The following NTM variants were observed in gnomAD, a reference collection of about 807,000 sequenced individuals.
NTM encodes the protein IgLON family member 2.
NTM carries 13 observed loss-of-function variants against 42.1 expected under a neutral mutation model. The observed-to-expected ratio is 0.31, with a 90% CI of 0.20 to 0.49. The LOEUF (loss-of-function observed/expected upper bound fraction) is 0.49, where lower values mean the gene tolerates loss of function less well. Ranked by LOEUF, NTM falls within the 20% of genes least tolerant of loss-of-function variation. The pLI is 0.99. For missense variants in NTM, 373 were observed against 452.8 expected, an observed-to-expected ratio of 0.82 and a Z score of 1.60; for synonymous variants, 187 against 179.2, an observed-to-expected ratio of 1.04 and a Z score of -0.35.
rs547428518 is a variant in NTM, at chr11:132,198,330, G to A, written c.401-13692G>A. ...AAGTGATCCAGCCTCCTGAGTAGCT[G>A]GATCTACAGGATCATGCCAGCATAA... On this transcript the variant is annotated intron_variant, in intron 3 of 8. Coordinates refer to ENST00000683400, the MANE Select transcript of NTM (RefSeq NM_001352005.2). Among the ~76,000 whole-genome samples the A allele has an allele frequency of 3.3e-5, 5 of 152,174 alleles. No individual in the cohort carries two copies. In the East Asian group the frequency reaches 9.7e-4, roughly 30 times the overall value.
chr11:131,507,940 A>T (rs1331934060), intron 1 of NTM, among the ~76,000 whole-genome samples: 1 of 152,202 alleles, frequency 6.6e-6, no homozygotes, highest in Non-Finnish European at 1.5e-5. Context: ...CCCTAGAAGA[A>T]AACCTAGGCA....
intron 1 of NTM, among the ~76,000 whole-genome samples, chr11:131,738,975 G>A (rs2080840401): frequency 6.6e-6 from 1 of 152,184 alleles, no homozygotes; most frequent in African/African-American, 2.4e-5. Flanking sequence ...TTGGGGCCAA[G>A]GGATGTGGGC....
intron 1 of NTM, chr11:131,661,018 G>A (rs1267493796): frequency 7.7e-7 from 1 of 1,304,598 alleles, no homozygotes; most frequent in Non-Finnish European, 1.0e-6. Context: ...AAACGGGGAA[G>A]GTGGGAAGAG....
At chr11:132,082,534 T>A (rs1244274332) in intron 2 of NTM, among the ~76,000 whole-genome samples, 1 of 152,226 alleles carries the variant, frequency 6.6e-6, no homozygotes, top group Non-Finnish European at 1.5e-5. Flanking sequence ...TTTTCCATCA[T>A]GGGCATGATT....
chr11:131,627,720 A>G (rs936202346), intron 1 of NTM, among the ~76,000 whole-genome samples: 7 of 151,836 alleles, frequency 4.6e-5, no homozygotes, highest in African/African-American at 9.7e-5. Flanking sequence ...GGTCCCACCT[A>G]CCCTGGATGC....
chr11:131,572,711 C>A (rs1430436432), intron 1 of NTM, among the ~76,000 whole-genome samples: 2 of 152,134 alleles, frequency 1.3e-5, no homozygotes, highest in African/African-American at 4.8e-5. Context: ...GCCCACGTCA[C>A]CCTAGAAAAG....
intron 1 of NTM, among the ~76,000 whole-genome samples, chr11:131,906,388 T>C (rs2053857384): frequency 6.6e-6 from 1 of 152,150 alleles, no homozygotes; most frequent in Non-Finnish European, 1.5e-5. Flanking sequence ...GGCCAGTTTA[T>C]AAACTTTATG....
In NTM at chr11:131,911,321, C is replaced by T. The variant is rs374321505; in HGVS notation, c.83-243C>T. The T allele has an allele frequency of 1.2e-5, 17 of 1,464,816 alleles. No individual in the cohort carries two copies. The Admixed American group carries it at 2.1e-4, about 18-fold the overall frequency. The allele number at this position is 1,464,816 out of a possible 1,614,324, so 90.7% of individuals were successfully genotyped here. On this transcript the variant is annotated intron_variant, in intron 1 of 8. Transcript: ENST00000683400. The stretch of plus-strand genomic sequence containing the variant: ...GGATTTGGGGGAGGAATATTAGACT[C>T]GGAGGAGTCTGCGCGCTTTTCTCCT...
At chr11:131,678,438 G>A (rs1256715061) in intron 1 of NTM, among the ~76,000 whole-genome samples, 1 of 152,244 alleles carries the variant, frequency 6.6e-6, no homozygotes, top group Non-Finnish European at 1.5e-5. Context: ...GAGGGCAGCT[G>A]AGGCCCCAAG....
intron 1 of NTM, among the ~76,000 whole-genome samples, chr11:131,396,003 T>C (rs1944512503): frequency 6.6e-6 from 1 of 152,176 alleles, no homozygotes; most frequent in African/African-American, 2.4e-5. Context: ...GACGTGGCAG[T>C]GCAGCTCCTA....
intron 1 of NTM, among the ~76,000 whole-genome samples, chr11:131,640,374 A>G (rs2064984013): frequency 6.6e-6 from 1 of 152,202 alleles, no homozygotes; most frequent in Non-Finnish European, 1.5e-5. Flanking sequence ...AGGAAGACGC[A>G]GCCTTTGTTC....
At position 132,192,846 on chromosome 11, in the gene NTM, C is replaced by T. The variant is rs1297158321; in HGVS notation, c.401-19176C>T. Among the ~76,000 whole-genome samples the T allele has an allele frequency of 4.0e-5, 6 of 151,860 alleles. No individual in the cohort carries two copies. In the East Asian group the frequency reaches 5.8e-4, roughly 15 times the overall value. On this transcript the variant is annotated intron_variant, in intron 3 of 8. Transcript: ENST00000683400. Reference sequence around the variant, plus strand: ...ACAGAAAATGAAAAAGAGTAGGGGTCGCCATTCTTATATCAGATAAAACAG... The same window carrying T: ...ACAGAAAATGAAAAAGAGTAGGGGTTGCCATTCTTATATCAGATAAAACAG...
chr11:131,735,039 A>G (rs1451781304), intron 1 of NTM, among the ~76,000 whole-genome samples: 1 of 152,208 alleles, frequency 6.6e-6, no homozygotes, highest in Non-Finnish European at 1.5e-5. Flanking sequence ...AATTCTTTCC[A>G]TCTGACTCAA....
intron 2 of NTM, among the ~76,000 whole-genome samples, chr11:132,135,743 G>C (rs1486804989): frequency 6.6e-6 from 1 of 152,230 alleles, no homozygotes; most frequent in Non-Finnish European, 1.5e-5. Flanking sequence ...GGAGCACACA[G>C]AAATGATGGA....
chr11:131,397,980 T>A (rs1436845515), intron 1 of NTM, among the ~76,000 whole-genome samples: 2 of 152,240 alleles, frequency 1.3e-5, no homozygotes, highest in Non-Finnish European at 2.9e-5. Flanking sequence ...GTCAAAAAGC[T>A]GTGTAAAATT....
At chr11:132,213,087 A>G (rs2083152668) in intron 4 of NTM, among the ~76,000 whole-genome samples, 1 of 152,240 alleles carries the variant, frequency 6.6e-6, no homozygotes, top group South Asian at 2.1e-4. Context: ...GTGCAGAGAC[A>G]TGAACAGTGG....
intron 4 of NTM, among the ~76,000 whole-genome samples, chr11:132,226,200 G>T (rs893824653): frequency 1.5e-4 from 23 of 152,198 alleles, no homozygotes; most frequent in African/African-American, 4.8e-4. Context: ...ATAGTAGAAT[G>T]ATTTATAATC....
intron 2 of NTM, among the ~76,000 whole-genome samples, chr11:131,927,451 G>A (rs1311831540): frequency 6.6e-6 from 1 of 152,210 alleles, no homozygotes; most frequent in Non-Finnish European, 1.5e-5. Context: ...GACTTGGAGA[G>A]TTAAGCCTAG....
chr11:131,597,329 GTCTCTCTC>G (rs1272057632), intron 1 of NTM, among the ~76,000 whole-genome samples: 1 of 151,944 alleles, frequency 6.6e-6, no homozygotes, highest in Non-Finnish European at 1.5e-5. Context: ...CTGTCTCTCT[GTCTCTCTC>G]TGTCTCTCCT....
Sources: gnomAD v4.1 joint callset for allele counts (sites outside exome capture counted in the v4.1 genomes callset) on GRCh38, gnomAD v4.1.1 for gene constraint, MANE v1.5 for transcripts, NCBI Gene and HGNC (gene_info 2026-07-23, HGNC 2026-07-21) for gene names.